Variants in ACAP2 observed in about 807,000 individuals in gnomAD.
The protein encoded by ACAP2 is arf-GAP with coiled-coil, ANK repeat and PH domain-containing protein 2.
A neutral mutation model predicts 115.8 loss-of-function variants in ACAP2; 39 were observed. That is an observed-to-expected ratio of 0.34 (90% CI 0.26 to 0.44). The LOEUF (loss-of-function observed/expected upper bound fraction) is 0.44, where lower values mean the gene tolerates loss of function less well. Ranked by LOEUF, ACAP2 falls within the 20% of genes least tolerant of loss-of-function variation. The pLI is 1.00. For missense variants in ACAP2, 662 were observed against 927.6 expected (o/e 0.71, Z 3.72); for synonymous variants, 289 against 315.8 (o/e 0.92, Z 0.90).
At chr3:195,368,321 TG>T (rs1577367452) in intron 4 of ACAP2, among the ~76,000 whole-genome samples, 1 of 152,204 alleles carries the variant, frequency 6.6e-6, no homozygotes, top group Admixed American at 6.5e-5. Flanking sequence ...GGCTAATTTT[TG>T]TATTTTTAAT....
At chr3:195,321,253 C>T (rs138953236) in intron 9 of ACAP2, among the ~76,000 whole-genome samples, 3,305 of 133,394 alleles carry the variant, frequency 0.025, 127 homozygotes, top group African/African-American at 0.086. Flanking sequence ...GACAGAGTCT[C>T]GCTCTGCTGC....
intron 4 of ACAP2, among the ~76,000 whole-genome samples, chr3:195,363,195 C>T (rs1732485539): frequency 6.6e-6 from 1 of 152,154 alleles, no homozygotes; most frequent in Non-Finnish European, 1.5e-5. Flanking sequence ...ATCCCATTTA[C>T]AATTGCTACA....
At chr3:195,389,108 G>A (rs1020097215) in intron 2 of ACAP2, among the ~76,000 whole-genome samples, 4 of 152,008 alleles carry the variant, frequency 2.6e-5, no homozygotes, top group East Asian at 1.9e-4. Flanking sequence ...ACTTTAGTGC[G>A]AGGGAAAACA....
Position 195,326,887 on chromosome 3 carries a change from T to C in ACAP2, c.742A>G (p.Lys248Glu). ...MEQKHSTIQQ[K>E]DFSSDDSKLE... ...TTTTAATTTTTCCCCTGAGGTACCT[T>C]TTGTTGAATGGTGGAATGTTTTTGC... Residue 248 changes from lysine (K) to glutamate (E), a missense_variant and splice_region_variant, in exon 9 of 23, where the codon AAG becomes GAG. By Grantham distance (56) the Lys-to-Glu change is moderately conservative. Coordinates refer to ENST00000326793, the MANE Select transcript of ACAP2 (RefSeq NM_012287.6). 1 of 1,613,898 alleles carries C rather than the reference T, an allele frequency of 6.2e-7. No individual in the cohort carries two copies. Among genetic ancestry groups the C allele is most frequent in the Non-Finnish European group, 8.5e-7 (1 of 1,179,896 alleles).
chr3:195,353,531 C>A (rs779683773), intron 4 of ACAP2, among the ~76,000 whole-genome samples: 3 of 152,120 alleles, frequency 2.0e-5, no homozygotes, highest in Non-Finnish European at 4.4e-5. Context: ...CATTTACATA[C>A]AATTCTAGAA....
intron 4 of ACAP2, among the ~76,000 whole-genome samples, chr3:195,368,950 G>A (rs1485220169): frequency 1.3e-5 from 2 of 152,142 alleles, no homozygotes; most frequent in Non-Finnish European, 2.9e-5. Context: ...TGGGCATGGC[G>A]GTGGGTGCCT....
At chr3:195,308,134 A>G (rs1409062217) in intron 11 of ACAP2, among the ~76,000 whole-genome samples, 1 of 152,150 alleles carries the variant, frequency 6.6e-6, no homozygotes, top group Non-Finnish European at 1.5e-5. Flanking sequence ...ATATAAAACG[A>G]TATTAACAAA....
At chr3:195,284,449 C>A (rs1197946306) in intron 22 of ACAP2, among the ~76,000 whole-genome samples, 4 of 152,278 alleles carry the variant, frequency 2.6e-5, no homozygotes, top group Admixed American at 6.5e-5. Flanking sequence ...TCTTCCATCT[C>A]GGAACATCAT....
At chr3:195,436,872 C>T (rs1715582953) in intron 1 of ACAP2, among the ~76,000 whole-genome samples, 1 of 152,070 alleles carries the variant, frequency 6.6e-6, no homozygotes, top group African/African-American at 2.4e-5. Context: ...ATTAGATTAT[C>T]TGCTACAATC....
intron 2 of ACAP2, among the ~76,000 whole-genome samples, chr3:195,385,695 A>C (rs1734255569): frequency 6.6e-6 from 1 of 152,154 alleles, no homozygotes; most frequent in South Asian, 2.1e-4. Flanking sequence ...GTAACAAGAA[A>C]GGCACCTGAC....
chr3:195,428,345 TATACACAC>T (rs1560362551), intron 1 of ACAP2, among the ~76,000 whole-genome samples: 1 of 135,678 alleles, frequency 7.4e-6, no homozygotes, highest in East Asian at 3.8e-4. Flanking sequence ...TGTATATATA[TATACACAC>T]ACACACACAC....
chr3:195,424,656 C>T (rs1448882871), intron 1 of ACAP2, among the ~76,000 whole-genome samples: 2 of 151,740 alleles, frequency 1.3e-5, no homozygotes, highest in African/African-American at 2.4e-5. Context: ...CGGTGGTTCA[C>T]GCCTATAATC....
intron 4 of ACAP2, among the ~76,000 whole-genome samples, chr3:195,376,044 A>C (rs1252073307): frequency 6.6e-6 from 1 of 152,186 alleles, no homozygotes; most frequent in Non-Finnish European, 1.5e-5. Flanking sequence ...ATCTAGTAGA[A>C]TGTAGCATAC....
In ACAP2 at chr3:195,310,088, C is replaced by T. The variant is rs1441854347; in HGVS notation, c.858-1251G>A. Among the ~76,000 whole-genome samples, 3 of 151,258 alleles carry T rather than the reference C, an allele frequency of 2.0e-5. No individual in the cohort carries two copies. The East Asian group carries it at 5.8e-4, about 29-fold the overall frequency. On this transcript the variant is annotated intron_variant, in intron 10 of 22. Transcript: ENST00000326793. ...TCAATTAGCAGATATTCTACCTTTT[C>T]ATTGATACTAATATGAAGCATTAGA...
At chr3:195,410,907 T>C (rs998159693) in intron 1 of ACAP2, 2 of 281,628 alleles carry the variant, frequency 7.1e-6, no homozygotes, top group Non-Finnish European at 1.4e-5. Flanking sequence ...CCTTCTGCCA[T>C]TGAGGACACA....
At chr3:195,323,318 C>T (rs1577299598) in intron 9 of ACAP2, among the ~76,000 whole-genome samples, 2 of 152,214 alleles carry the variant, frequency 1.3e-5, no homozygotes, top group Non-Finnish European at 1.5e-5. Context: ...ATACACAGAA[C>T]ATCCAAAATA....
chr3:195,357,338 T>C (rs1485385226), intron 4 of ACAP2, among the ~76,000 whole-genome samples: 1 of 152,110 alleles, frequency 6.6e-6, no homozygotes, highest in Non-Finnish European at 1.5e-5. Flanking sequence ...AGGTTTCCGA[T>C]TGCAGGCCCT....
chr3:195,304,706 G>A (rs1728309936), intron 13 of ACAP2, among the ~76,000 whole-genome samples: 3 of 152,174 alleles, frequency 2.0e-5, no homozygotes, highest in South Asian at 4.1e-4. Flanking sequence ...ATCCCTCATA[G>A]CTATGCAGGA....
intron 21 of ACAP2, among the ~76,000 whole-genome samples, chr3:195,287,651 T>C (rs577476901): frequency 6.6e-6 from 1 of 152,264 alleles, no homozygotes; most frequent in South Asian, 2.1e-4. Context: ...CACAAATTCC[T>C]ACCACTGCCC....
Sources: allele counts gnomAD v4.1 joint callset (sites outside exome capture counted in the v4.1 genomes callset), GRCh38; gene constraint gnomAD v4.1.1; transcripts MANE v1.5; gene names NCBI Gene and HGNC (gene_info 2026-07-23, HGNC 2026-07-21).